KIF13A: variants seen among roughly 807,000 people sequenced by gnomAD.
KIF13A encodes the protein kinesin family member 13A, also known as kinesin-like protein KIF13A.
A neutral mutation model predicts 212.2 loss-of-function variants in KIF13A; 79 were observed. That is an observed-to-expected ratio of 0.37 (90% CI 0.31 to 0.45). The LOEUF is 0.45. Ranked by LOEUF, KIF13A falls within the 20% of genes least tolerant of loss-of-function variation. The pLI is 1.00. For synonymous variants in KIF13A, 789 were observed against 808.6 expected (o/e 0.98, Z 0.41); for missense variants, 1,901 against 2,209.0 (o/e 0.86, Z 2.79).
chr6:17,841,650 T>C (rs1302275134), intron 9 of KIF13A, among the ~76,000 whole-genome samples: 2 of 152,178 alleles, frequency 1.3e-5, no homozygotes, highest in Non-Finnish European at 2.9e-5. Context: ...AAGTGTATCA[T>C]TAGTAGAAGC....
rs907577052 is a variant in KIF13A, at chr6:17,914,533, T to C, written c.147-16353A>G. Among the ~76,000 whole-genome samples, 7 of 152,204 alleles carry C rather than the reference T, an allele frequency of 4.6e-5. No individual in the cohort carries two copies. The East Asian group carries it at 1.2e-3, about 25-fold the overall frequency. On this transcript the variant is annotated intron_variant, in intron 2 of 38. Transcript: ENST00000259711. This position sits in a 1 kb window ranked among gnomAD's most constrained non-coding sequence, Gnocchi z 5.9. Reference sequence around the variant, plus strand: ...CATGCAAATGGGAAGTTTTATAAGATACATGACATTATTTTATGAAATCAC... The same window carrying C: ...CATGCAAATGGGAAGTTTTATAAGACACATGACATTATTTTATGAAATCAC...
At chr6:17,894,805 C>T (rs1772415404) in intron 3 of KIF13A, among the ~76,000 whole-genome samples, 1 of 152,144 alleles carries the variant, frequency 6.6e-6, no homozygotes, top group Non-Finnish European at 1.5e-5. Context: ...TTCCCCTATG[C>T]TTTACTTATT....
chr6:17,805,729 A>C (rs185453569), intron 18 of KIF13A, 114 bp from the exon 19 acceptor site: 41 of 899,230 alleles, frequency 4.6e-5, no homozygotes, highest in Admixed American at 8.7e-5. Flanking sequence ...AATGCATACA[A>C]AAGAAGATAA....
rs1760003475 is a variant in KIF13A at position 17,776,603 on chromosome 6, C to T, written c.4170+674G>A. On this transcript the variant is annotated intron_variant, in intron 34 of 38. Coordinates refer to ENST00000259711, the MANE Select transcript of KIF13A (RefSeq NM_022113.6). The surrounding 1 kb of genome is among the most constrained non-coding windows in gnomAD (Gnocchi z 4.6). ...GTAGGACAATTTTTGTAAGTGGCCA[C>T]CATGTTTTAAATAATTTTCTGGCAA... Among the ~76,000 whole-genome samples, 1 of 152,152 alleles carries T rather than the reference C, an allele frequency of 6.6e-6. No individual in the cohort carries two copies. The highest frequency in any genetic ancestry group is 2.4e-5 in the African/African-American group (1 of 41,418).
chr6:17,797,592 TC>T (rs1379022761), intron 22 of KIF13A, among the ~76,000 whole-genome samples: 1 of 152,046 alleles, frequency 6.6e-6, no homozygotes, highest in African/African-American at 2.4e-5. Context: ...CTACCCTATT[TC>T]CTCTTTCCAA....
At chr6:17,955,870 A>G (rs1446846307) in intron 2 of KIF13A, among the ~76,000 whole-genome samples, 1 of 152,236 alleles carries the variant, frequency 6.6e-6, no homozygotes, top group Non-Finnish European at 1.5e-5. Context: ...GCCTAAATAC[A>G]TGCAAATTTA....
At chr6:17,830,779 ACACAGATATT>A in intron 13 of KIF13A, among the ~76,000 whole-genome samples, 1 of 152,280 alleles carries the variant, frequency 6.6e-6, no homozygotes, top group African/African-American at 2.4e-5. Context: ...TTGTGGAAGA[ACACAGATATT>A]CCCAGAATCC....
chr6:17,977,349 CGTT>C (rs1334101611), intron 2 of KIF13A, among the ~76,000 whole-genome samples: 5 of 152,128 alleles, frequency 3.3e-5, no homozygotes, highest in Admixed American at 6.5e-5. Context: ...GAATAGTTCA[CGTT>C]GTCATACAAT....
At chr6:17,940,108 A>C (rs1290014021) in intron 2 of KIF13A, among the ~76,000 whole-genome samples, 1 of 150,836 alleles carries the variant, frequency 6.6e-6, no homozygotes, top group Admixed American at 6.6e-5. Context: ...TGCCATGGCA[A>C]CATCGGGAAT....
intron 32 of KIF13A, among the ~76,000 whole-genome samples, 153 bp downstream of exon 32, chr6:17,779,439 A>C (rs1319868020): frequency 6.6e-6 from 1 of 150,990 alleles, no homozygotes; most frequent in Non-Finnish European, 1.5e-5. Flanking sequence ...TGCCCAGCTA[A>C]TTTTGTATGT....
At position 17,785,029 on chromosome 6, in the gene KIF13A, A is replaced by G. The variant is rs1282603036; in HGVS notation, c.3488+486T>C. On this transcript the variant is annotated intron_variant, in intron 28 of 38. Transcript: ENST00000259711. This position sits in a 1 kb window ranked among gnomAD's most constrained non-coding sequence, Gnocchi z 5.8. ...ATATGTTATAATAAAAATGAGAATG[A>G]GAATAAGCAGCAGCAGCTAGGATTT... 1.3e-5 allele frequency among the ~76,000 whole-genome samples: 2 copies of G among 152,224 alleles called. No individual in the cohort carries two copies. The highest frequency in any genetic ancestry group is 4.8e-5 in the African/African-American group (2 of 41,450).
chr6:17,846,896 G>C (rs1049458302), intron 9 of KIF13A, among the ~76,000 whole-genome samples: 1 of 152,132 alleles, frequency 6.6e-6, no homozygotes, highest in Non-Finnish European at 1.5e-5. Context: ...GCCTGGGCTC[G>C]GAGACCAATT....
At position 17,961,028 on chromosome 6, in the gene KIF13A, C is replaced by T. The variant is rs937822635; in HGVS notation, c.146+26026G>A. ...AAAAAAGTATTAAACAGCAGATTAA[C>T]AAGTACATAAAAATATGGTTAAAAT... is the stretch of plus-strand genomic sequence containing the variant. On this transcript the variant is annotated intron_variant, in intron 2 of 38. Transcript: ENST00000259711. This position sits in a 1 kb window ranked among gnomAD's most constrained non-coding sequence, Gnocchi z 4.1. Among the ~76,000 whole-genome samples the T allele has an allele frequency of 1.3e-5, 2 of 152,090 alleles. No individual in the cohort carries two copies. The highest frequency in any genetic ancestry group is 1.3e-4 in the Admixed American group (2 of 15,274).
chr6:17,878,635 T>A (rs1017926371), intron 3 of KIF13A, among the ~76,000 whole-genome samples: 1 of 152,196 alleles, frequency 6.6e-6, no homozygotes, highest in Non-Finnish European at 1.5e-5. Context: ...GCTAGACATT[T>A]ACATTCATAG....
chr6:17,948,304 A>C (rs75126956), intron 2 of KIF13A, among the ~76,000 whole-genome samples: 1 of 152,146 alleles, frequency 6.6e-6, no homozygotes, highest in African/African-American at 2.4e-5. Context: ...GTGGTTTTAC[A>C]TGGCACCAAA....
At chr6:17,880,826 C>T (rs1316215640) in intron 3 of KIF13A, among the ~76,000 whole-genome samples, 3 of 151,896 alleles carry the variant, frequency 2.0e-5, no homozygotes, top group Non-Finnish European at 4.4e-5. Context: ...TGCAACATTG[C>T]CCAAGTTAGT....
intron 25 of KIF13A, among the ~76,000 whole-genome samples, chr6:17,792,794 T>C (rs1409678053): frequency 6.6e-6 from 1 of 152,232 alleles, no homozygotes; most frequent in East Asian, 1.9e-4. Context: ...TTCAATAGTC[T>C]GTGCACTGAC....
rs1307483689 is a variant in KIF13A at position 17,855,376 on chromosome 6, T to C, written c.494+61A>G. ...ACGTATATTCACTTCCAATTTTAAC[T>C]TTAGAATCATTTAAAATTATCTCCC... On this transcript the variant is annotated intron_variant, in intron 6 of 38. Coordinates refer to ENST00000259711, the MANE Select transcript of KIF13A (RefSeq NM_022113.6). The surrounding 1 kb of genome is among the most constrained non-coding windows in gnomAD (Gnocchi z 4.1). The C allele has an allele frequency of 3.8e-6, 5 of 1,299,750 alleles. No individual in the cohort carries two copies. The Admixed American group carries it at 8.8e-5, about 23-fold the overall frequency. The allele number at this position is 1,299,750 out of a possible 1,614,324, so 80.5% of individuals were successfully genotyped here.
chr6:17,916,948 A>T (rs1038206777), intron 2 of KIF13A, among the ~76,000 whole-genome samples: 5 of 152,060 alleles, frequency 3.3e-5, no homozygotes, highest in Middle Eastern at 3.4e-3. Context: ...TTCGAAACTC[A>T]TAATCTCAAT....
Sources: allele counts gnomAD v4.1 joint callset (sites outside exome capture counted in the v4.1 genomes callset), GRCh38; gene constraint gnomAD v4.1.1; non-coding constraint Gnocchi (gnomAD v3.1); transcripts MANE v1.5; gene names NCBI Gene and HGNC (gene_info 2026-07-23, HGNC 2026-07-21).